VPS35L: variants seen among roughly 807,000 people sequenced by gnomAD.
VPS35L encodes the protein VPS35 endosomal protein sorting factor like, also known as VPS35 endosomal protein-sorting factor-like.
In VPS35L, 83 loss-of-function variants were observed where a neutral mutation model predicts 133.0. The ratio of observed to expected loss-of-function variants is 0.62; its 90% CI spans 0.52 to 0.75. The LOEUF (loss-of-function observed/expected upper bound fraction) is 0.75, where lower values mean the gene tolerates loss of function less well. Ranked by LOEUF, VPS35L falls within the 30% of genes least tolerant of loss-of-function variation. VPS35L has a pLI of 0.00. For synonymous variants in VPS35L, 423 were observed against 449.9 expected, an observed-to-expected ratio of 0.94 and a Z score of 0.76; for missense variants, 1,083 against 1,206.8, an observed-to-expected ratio of 0.90 and a Z score of 1.52.
intron 3 of VPS35L, among the ~76,000 whole-genome samples, chr16:19,571,021 G>A (rs1971367429): frequency 1.3e-5 from 2 of 151,110 alleles, no homozygotes; most frequent in East Asian, 1.9e-4. Flanking sequence ...CTACAGGCAC[G>A]TGCCACCATG....
chr16:19,578,853 G>A, intron 5 of VPS35L, 199 bp from the exon 6 acceptor site: 1 of 598,348 alleles, frequency 1.7e-6, no homozygotes, highest in East Asian at 2.9e-5. Context: ...GCTCCCAGGG[G>A]CAGCTTCTAA....
At chr16:19,666,275 A>G (rs1056197688) in intron 26 of VPS35L, among the ~76,000 whole-genome samples, 1 of 152,088 alleles carries the variant, frequency 6.6e-6, no homozygotes, top group Non-Finnish European at 1.5e-5. Flanking sequence ...TGGGAATCTG[A>G]GTTCTCCTTT....
At chr16:19,655,430 C>G (rs1213037267) in intron 26 of VPS35L, among the ~76,000 whole-genome samples, 1 of 152,158 alleles carries the variant, frequency 6.6e-6, no homozygotes, top group Admixed American at 6.5e-5. Context: ...TTTTGTTTGC[C>G]TCCCTAAACA....
chr16:19,627,334 A>G (rs190038413), intron 15 of VPS35L, among the ~76,000 whole-genome samples: 41 of 152,126 alleles, frequency 2.7e-4, no homozygotes, highest in Non-Finnish European at 4.7e-4. Flanking sequence ...GTGGATATAT[A>G]TTTACAACAT....
At chr16:19,674,003 G>A (rs28678274) in intron 27 of VPS35L, among the ~76,000 whole-genome samples, 13,898 of 151,930 alleles carry the variant, frequency 0.091, 865 homozygotes, top group East Asian at 0.21. Context: ...CTTGTGGGAC[G>A]CGGCATTAGT....
At position 19,631,920 on chromosome 16, in the gene VPS35L, C is replaced by A. The variant is rs527252410; in HGVS notation, c.1555-1172C>A. ...GGTTGCAGGGTTCACTTCCTTAAACCAAATCTAAATACATTATTCTAAGGA... is the reference window on the plus strand; with the variant it reads ...GGTTGCAGGGTTCACTTCCTTAAACAAAATCTAAATACATTATTCTAAGGA... On this transcript the variant is annotated intron_variant, in intron 18 of 30. Coordinates refer to ENST00000417362, the MANE Select transcript of VPS35L (RefSeq NM_020314.7). Among the ~76,000 whole-genome samples, 3 of 151,826 alleles carry A rather than the reference C, an allele frequency of 2.0e-5. No homozygotes were observed. The East Asian group carries it at 5.9e-4, about 30-fold the overall frequency.
At chr16:19,601,744 G>A in intron 9 of VPS35L, 21 bp downstream of exon 9, 1 of 1,613,284 alleles carries the variant, frequency 6.2e-7, no homozygotes, top group Non-Finnish European at 8.5e-7. Context: ...AGCTGTTCCT[G>A]GGGTGTCATT....
intron 14 of VPS35L, among the ~76,000 whole-genome samples, chr16:19,619,700 A>G (rs551468990): frequency 6.6e-6 from 1 of 152,214 alleles, no homozygotes; most frequent in African/African-American, 2.4e-5. Flanking sequence ...TCATTATTGC[A>G]CTAGAATAAG....
chr16:19,672,939 C>T, intron 27 of VPS35L, among the ~76,000 whole-genome samples: 1 of 152,188 alleles, frequency 6.6e-6, no homozygotes, highest in East Asian at 1.9e-4. Flanking sequence ...TCAGCATCTG[C>T]AGGTTAAAAA....
At chr16:19,582,552 A>G (rs183336724) in intron 7 of VPS35L, among the ~76,000 whole-genome samples, 1 of 152,276 alleles carries the variant, frequency 6.6e-6, no homozygotes, top group Admixed American at 6.5e-5. Flanking sequence ...TTTCTCTTCA[A>G]TCACTGTTGT....
In VPS35L at chr16:19,669,195, C is replaced by T. The variant is rs968866368; in HGVS notation, c.2257C>T (p.Pro753Ser). The change falls in exon 27 of 31, where the codon CCG (proline) becomes TCG (serine). Residue 753 changes from proline to serine, a missense_variant. Physicochemically the swap from Pro to Ser is moderately conservative, Grantham distance 74. Coordinates refer to ENST00000417362, the MANE Select transcript of VPS35L (RefSeq NM_020314.7). Reference protein sequence around the residue: ...AFFKAAISLVPEVPKMINIDG... With the variant: ...AFFKAAISLVSEVPKMINIDG... ...TTTCAAAGCCGCTATAAGCCTTGTT[C>T]CGGAAGTTCCAAAGATGATTAATAT... 2.5e-6 allele frequency: 4 copies of T among 1,611,764 alleles called. No homozygotes were observed. Among genetic ancestry groups the T allele is most frequent in the African/African-American group, 2.7e-5 (2 of 74,922 alleles).
At chr16:19,686,832 A>T (rs1975477894) in intron 28 of VPS35L, among the ~76,000 whole-genome samples, 1 of 151,880 alleles carries the variant, frequency 6.6e-6, no homozygotes. Context: ...CACCTTTAGG[A>T]CTCAGTCCAG....
chr16:19,624,029 C>T (rs1973176569), intron 14 of VPS35L, among the ~76,000 whole-genome samples: 1 of 149,976 alleles, frequency 6.7e-6, no homozygotes, highest in African/African-American at 2.4e-5. Flanking sequence ...GTCTTGAACT[C>T]CTAAGGTCAA....
Position 19,578,538 on chromosome 16 carries a change from C to T in VPS35L, c.434-514C>T, listed in dbSNP as rs138973547. Among the ~76,000 whole-genome samples, 354 of 152,266 alleles carry T rather than the reference C, an allele frequency of 2.3e-3. 1 individual carries two copies. The highest frequency in any genetic ancestry group is 6.8e-3 in the Middle Eastern group (2 of 294). On this transcript the variant is annotated intron_variant, in intron 5 of 30. Coordinates refer to ENST00000417362, the MANE Select transcript of VPS35L (RefSeq NM_020314.7). ...TCCCTCCACCAGTCCCTGCTGATGG[C>T]GAAATTGTGCTGACAGATGCTGGAA... is the stretch of plus-strand genomic sequence containing the variant.
intron 25 of VPS35L, 101 bp downstream of exon 25, chr16:19,650,560 T>C: frequency 1.0e-6 from 1 of 956,814 alleles, no homozygotes; most frequent in Non-Finnish European, 1.7e-6. Flanking sequence ...GAGTATGTCA[T>C]GATAAGAATG....
At chr16:19,604,230 A>G (rs563920423) in intron 9 of VPS35L, among the ~76,000 whole-genome samples, 34 of 151,024 alleles carry the variant, frequency 2.3e-4, no homozygotes, top group African/African-American at 8.3e-4. Context: ...AAATTTTCAT[A>G]TTTACCTGCC....
At chr16:19,572,310 C>T (rs1322132976) in intron 3 of VPS35L, among the ~76,000 whole-genome samples, 2 of 152,206 alleles carry the variant, frequency 1.3e-5, no homozygotes, top group Admixed American at 6.5e-5. Context: ...CCCAGCTACT[C>T]GGGAGGCTGA....
intron 29 of VPS35L, among the ~76,000 whole-genome samples, chr16:19,696,542 A>C (rs1368628221): frequency 6.6e-6 from 1 of 152,048 alleles, no homozygotes; most frequent in Non-Finnish European, 1.5e-5. Flanking sequence ...GCTTCCTGGA[A>C]ATGACAGTTC....
rs3815036 is a variant in VPS35L, at chr16:19,682,407, C to T, written c.2527+17C>T. 0.28 allele frequency: 445,701 copies of T among 1,609,810 alleles called. 63,761 individuals are homozygous for T. The highest frequency in any genetic ancestry group is 0.34 in the African/African-American group (25,176 of 74,882). ...TAGACAAAGGTAGCAGAGCCTCCCC[C>T]ACCAAACCATGCTCCGCATGGATTT... On this transcript the variant is annotated intron_variant, in intron 28 of 30. Transcript: ENST00000417362.
Sources: allele counts gnomAD v4.1 joint callset (sites outside exome capture counted in the v4.1 genomes callset), GRCh38; gene constraint gnomAD v4.1.1; transcripts MANE v1.5; gene names NCBI Gene and HGNC (gene_info 2026-07-23, HGNC 2026-07-21).